The following CHRM2 variants were observed in gnomAD, a reference collection of about 807,000 sequenced individuals.
The protein encoded by CHRM2 is muscarinic acetylcholine receptor M2.
In CHRM2, 8 loss-of-function variants were observed where a neutral mutation model predicts 25.0. That is an observed-to-expected ratio of 0.32 (90% CI 0.19 to 0.58). The LOEUF (loss-of-function observed/expected upper bound fraction) is 0.58. CHRM2 is among the 20% of genes least tolerant of loss of function. CHRM2 has a pLI of 0.88. For missense variants in CHRM2, 440 were observed against 567.1 expected (o/e 0.78, Z 2.28); for synonymous variants, 202 against 205.7 (o/e 0.98, Z 0.15).
chr7:136,920,476 A>G (rs1265038521), intron 2 of CHRM2, among the ~76,000 whole-genome samples: 1 of 152,030 alleles, frequency 6.6e-6, no homozygotes, highest in East Asian at 1.9e-4. Context: ...GTGAATTTAT[A>G]CTGACCACAT....
chr7:136,904,393 T>C (rs1246584689), intron 2 of CHRM2, among the ~76,000 whole-genome samples: 2 of 151,960 alleles, frequency 1.3e-5, no homozygotes, highest in African/African-American at 4.8e-5. Context: ...TATAGATGGC[T>C]ACCATTATCT....
At chr7:136,950,876 CA>C (rs1341717573) in intron 2 of CHRM2, 2 of 152,174 alleles carry the variant, frequency 1.3e-5, no homozygotes, top group African/African-American at 4.8e-5. Context: ...AATACTGTGG[CA>C]AAAACATGGC....
In CHRM2 at chr7:136,914,390, G is replaced by C. The variant is rs1054210751; in HGVS notation, c.-125+44972G>C. 2.0e-5 allele frequency: 3 copies of C among 151,904 alleles called. No individual in the cohort carries two copies. In the South Asian group the frequency reaches 6.2e-4, roughly 31 times the overall value. The allele number at this position is 151,904 out of a possible 1,614,324, so 9.4% of individuals were successfully genotyped here. On this transcript the variant is annotated intron_variant, in intron 2 of 3. Transcript: ENST00000680005. ...AAGCACTGTCAGCCTGCCTATTTCA[G>C]AGAAGCAGAGCAGAGCTCTTTGGAA...
chr7:136,937,142 T>A (rs1563076931), intron 2 of CHRM2, among the ~76,000 whole-genome samples: 2 of 152,178 alleles, frequency 1.3e-5, no homozygotes, highest in African/African-American at 4.8e-5. Flanking sequence ...TAGTTTTCAA[T>A]AATTTTTCTG....
intron 2 of CHRM2, among the ~76,000 whole-genome samples, chr7:136,872,832 G>A (rs1178190561): frequency 6.6e-6 from 1 of 152,164 alleles, no homozygotes; most frequent in Non-Finnish European, 1.5e-5. Context: ...AGAATCTGTA[G>A]GTATATCAAT....
intron 2 of CHRM2, among the ~76,000 whole-genome samples, chr7:136,953,020 T>C (rs751138195): frequency 2.0e-5 from 3 of 152,180 alleles, no homozygotes; most frequent in African/African-American, 4.8e-5. Context: ...CTATGGTGAA[T>C]AATGCTGTAA....
chr7:136,949,813 C>T (rs1401729403), intron 2 of CHRM2, among the ~76,000 whole-genome samples: 2 of 151,608 alleles, frequency 1.3e-5, no homozygotes, highest in South Asian at 2.1e-4. Context: ...GATCTCGGCT[C>T]ACTGCAAGCT....
intron 2 of CHRM2, among the ~76,000 whole-genome samples, chr7:136,931,488 C>T (rs763815663): frequency 9.8e-5 from 15 of 152,298 alleles, no homozygotes; most frequent in Non-Finnish European, 1.8e-4. Context: ...GAGGAAGCCA[C>T]GTAATGCACA....
At chr7:136,957,165 C>G (rs558454051) in intron 2 of CHRM2, among the ~76,000 whole-genome samples, 1 of 152,248 alleles carries the variant, frequency 6.6e-6, no homozygotes, top group African/African-American at 2.4e-5. Flanking sequence ...GGCAGGAGGC[C>G]AAGGATTTGG....
At chr7:136,955,310 T>C (rs1563088398) in intron 2 of CHRM2, among the ~76,000 whole-genome samples, 1 of 152,188 alleles carries the variant, frequency 6.6e-6, no homozygotes, top group Non-Finnish European at 1.5e-5. Context: ...ATAATAATGT[T>C]ATGAGTGAAA....
At chr7:136,914,133 C>T (rs565402921) in intron 2 of CHRM2, 20 of 152,038 alleles carry the variant, frequency 1.3e-4, no homozygotes, top group African/African-American at 2.9e-4. Context: ...TGCTTACCTC[C>T]GCTTCCTTTT....
At chr7:136,988,600 A>G (rs1013260587) in intron 2 of CHRM2, among the ~76,000 whole-genome samples, 1 of 152,164 alleles carries the variant, frequency 6.6e-6, no homozygotes, top group Admixed American at 6.6e-5. Flanking sequence ...CGTCAGCTTC[A>G]ACCTGTACTC....
At chr7:136,934,061 TG>T (rs1363208911) in intron 2 of CHRM2, among the ~76,000 whole-genome samples, 1 of 152,170 alleles carries the variant, frequency 6.6e-6, no homozygotes, top group Admixed American at 6.6e-5. Flanking sequence ...ATCAATGAGT[TG>T]TAGATATTTA....
intron 2 of CHRM2, among the ~76,000 whole-genome samples, chr7:136,985,504 CAAAAAAAAAAAAAA>C (rs974105875): frequency 1.8e-4 from 11 of 59,756 alleles, no homozygotes; most frequent in Non-Finnish European, 1.9e-4. Flanking sequence ...AGTTAGACTC[CAAAAAAAAAAAAAA>C]AAAAAAAAAA....
chr7:136,984,647 G>A (rs998165999), intron 2 of CHRM2, among the ~76,000 whole-genome samples: 12 of 152,114 alleles, frequency 7.9e-5, no homozygotes, highest in African/African-American at 2.9e-4. Flanking sequence ...ATGGGTTAGA[G>A]AGCACCATTC....
At chr7:136,884,945 C>T (rs964924232) in intron 2 of CHRM2, among the ~76,000 whole-genome samples, 10 of 152,138 alleles carry the variant, frequency 6.6e-5, no homozygotes, top group African/African-American at 1.9e-4. Context: ...ATCAGTTTTT[C>T]TGTTTGTTTG....
intron 2 of CHRM2, among the ~76,000 whole-genome samples, chr7:136,937,192 A>T (rs1053479217): frequency 6.6e-6 from 1 of 152,192 alleles, no homozygotes; most frequent in African/African-American, 2.4e-5. Flanking sequence ...CATCGCTTTC[A>T]ATAGCCGCAT....
intron 2 of CHRM2, among the ~76,000 whole-genome samples, chr7:136,911,100 T>A (rs1797819976): frequency 6.6e-6 from 1 of 151,902 alleles, no homozygotes; most frequent in Admixed American, 6.6e-5. Context: ...GATCCTAAGT[T>A]ATTCATTTAG....
chr7:136,918,099 C>A (rs1284051065), intron 2 of CHRM2, among the ~76,000 whole-genome samples: 1 of 151,980 alleles, frequency 6.6e-6, no homozygotes, highest in Admixed American at 6.6e-5. Flanking sequence ...ACAGAAAGGA[C>A]CACCATGTCC....
Sources: gnomAD v4.1 joint callset for allele counts (sites outside exome capture counted in the v4.1 genomes callset) on GRCh38, gnomAD v4.1.1 for gene constraint, MANE v1.5 for transcripts, NCBI Gene and HGNC (gene_info 2026-07-23, HGNC 2026-07-21) for gene names.